The following IL1RAPL1 variants were observed in gnomAD, a reference collection of about 807,000 sequenced individuals.
IL1RAPL1 encodes the protein interleukin 1 receptor accessory protein like 1, also known as interleukin-1 receptor accessory protein-like 1.
In IL1RAPL1, 3 loss-of-function variants were observed where a neutral mutation model predicts 48.4. The observed-to-expected ratio is 0.06, with a 90% CI of 0.03 to 0.16. The LOEUF is 0.16. Ranked by LOEUF, IL1RAPL1 falls within the 10% of genes least tolerant of loss-of-function variation. The probability of loss-of-function intolerance (pLI) is 1.00; values close to 1 mark genes in which losing one functional copy is unlikely to be tolerated. For missense variants in IL1RAPL1, 349 were observed against 530.6 expected (o/e 0.66, Z 3.36); for synonymous variants, 185 against 187.7 (o/e 0.99, Z 0.12).
chrX:29,267,763 A>G (rs949723732), intron 2 of IL1RAPL1, among the ~76,000 whole-genome samples: 1 of 111,980 alleles, frequency 8.9e-6, no homozygotes, highest in African/African-American at 3.2e-5. Context: ...TGGGTGGACT[A>G]GTTTCACCGA....
intron 1 of IL1RAPL1, among the ~76,000 whole-genome samples, chrX:28,648,113 G>A (rs991507689): frequency 6.3e-5 from 7 of 111,054 alleles, no homozygotes; most frequent in Middle Eastern, 4.6e-3. Flanking sequence ...AACCAGGCTC[G>A]TTCCTGCACT....
chrX:29,159,626 A>G (rs1403875817), intron 2 of IL1RAPL1, among the ~76,000 whole-genome samples: 2 of 112,359 alleles, frequency 1.8e-5, no homozygotes, highest in Non-Finnish European at 3.8e-5. Flanking sequence ...CATCAATTGG[A>G]TAGCCCAGCA....
chrX:28,779,099 T>C (rs1290712392), intron 1 of IL1RAPL1, among the ~76,000 whole-genome samples: 1 of 111,962 alleles, frequency 8.9e-6, no homozygotes, highest in African/African-American at 3.2e-5. Flanking sequence ...CCTGAGTGTG[T>C]GCACTTAACC....
rs146170664 is a variant in IL1RAPL1 at position 29,699,031 on chromosome X, A to G, written c.778+30527A>G. On this transcript the variant is annotated intron_variant, in intron 6 of 10. Transcript: ENST00000378993. ...AAAATAGTCAAATCTATTATGTAGCATAAGATTATGTATCTGTTTATTTGA... is the reference window on the plus strand; with the variant it reads ...AAAATAGTCAAATCTATTATGTAGCGTAAGATTATGTATCTGTTTATTTGA... 6.3e-3 allele frequency among the ~76,000 whole-genome samples: 708 copies of G among 112,338 alleles called. 5 individuals carry two copies. The highest frequency in any genetic ancestry group is 0.022 in the African/African-American group (679 of 30,989).
intron 2 of IL1RAPL1, among the ~76,000 whole-genome samples, chrX:28,911,647 T>A (rs1415852147): frequency 2.7e-5 from 3 of 111,367 alleles, no homozygotes; most frequent in Non-Finnish European, 3.8e-5. Context: ...GTGTTATCTG[T>A]CACTAAAAAG....
chrX:29,428,141 A>G (rs1934371631), intron 5 of IL1RAPL1, among the ~76,000 whole-genome samples: 1 of 111,747 alleles, frequency 8.9e-6, no homozygotes, highest in Non-Finnish European at 1.9e-5. Flanking sequence ...ATTCAAATCT[A>G]GATTGAAGTA....
At chrX:28,590,172 C>A (rs1933892368) in intron 1 of IL1RAPL1, among the ~76,000 whole-genome samples, 1 of 111,126 alleles carries the variant, frequency 9.0e-6, no homozygotes, top group Non-Finnish European at 1.9e-5. Context: ...GATCTGTTTT[C>A]TCCTCAATAG....
At chrX:29,160,775 C>T (rs1384829240) in intron 2 of IL1RAPL1, among the ~76,000 whole-genome samples, 1 of 112,082 alleles carries the variant, frequency 8.9e-6, no homozygotes, top group Non-Finnish European at 1.9e-5. Context: ...AAGTGTGGGC[C>T]GGGTTGGGTG....
chrX:29,768,153 T>A (rs894101569), intron 6 of IL1RAPL1, among the ~76,000 whole-genome samples: 1 of 112,152 alleles, frequency 8.9e-6, no homozygotes, highest in Non-Finnish European at 1.9e-5. Flanking sequence ...TTGTGATAGA[T>A]CTTCTTTTAG....
chrX:28,830,832 A>G (rs973784577), intron 2 of IL1RAPL1, among the ~76,000 whole-genome samples: 1 of 110,245 alleles, frequency 9.1e-6, no homozygotes, highest in African/African-American at 3.3e-5. Context: ...GTAGTTGTTT[A>G]TTTGTTTAGC....
At chrX:29,139,729 C>T (rs1422844023) in intron 2 of IL1RAPL1, among the ~76,000 whole-genome samples, 3 of 111,271 alleles carry the variant, frequency 2.7e-5, no homozygotes, top group African/African-American at 9.8e-5. Context: ...GGGAAAAGAG[C>T]AATGGCAGAA....
At chrX:28,767,665 A>G (rs1936256458) in intron 1 of IL1RAPL1, among the ~76,000 whole-genome samples, 1 of 110,458 alleles carries the variant, frequency 9.1e-6, no homozygotes, top group Non-Finnish European at 1.9e-5. Flanking sequence ...ATTTATATAT[A>G]TATTTGAAAT....
chrX:29,527,255 A>G (rs1219795210), intron 5 of IL1RAPL1, among the ~76,000 whole-genome samples: 2 of 108,940 alleles, frequency 1.8e-5, no homozygotes, highest in Non-Finnish European at 3.8e-5. Context: ...TAAATGTACC[A>G]AGGAAAACTA....
At chrX:29,682,787 G>C (rs940341090) in intron 6 of IL1RAPL1, among the ~76,000 whole-genome samples, 2 of 112,138 alleles carry the variant, frequency 1.8e-5, no homozygotes, top group Non-Finnish European at 1.9e-5. Context: ...ATACTGCAGA[G>C]TAATGGAGTA....
In IL1RAPL1 at chrX:29,502,583, GTTT is replaced by G. The variant is rs1448679893; in HGVS notation, c.703+103278_703+103280del. ...CAGTATCTATTGAAATGATCATGTG[GTTT>G]TTGTTCTCATGTCCTTGTATCGTAT... On this transcript the variant is annotated intron_variant, in intron 5 of 10. Coordinates refer to ENST00000378993, the MANE Select transcript of IL1RAPL1 (RefSeq NM_014271.4). 2.7e-5 allele frequency among the ~76,000 whole-genome samples: 3 copies of G among 111,220 alleles called. No individual in the cohort carries two copies. The East Asian group carries it at 8.5e-4, about 31-fold the overall frequency.
At chrX:28,853,493 G>GCA (rs77109541) in intron 2 of IL1RAPL1, among the ~76,000 whole-genome samples, 37 of 107,083 alleles carry the variant, frequency 3.5e-4, no homozygotes, top group East Asian at 1.5e-3. Flanking sequence ...GTGTGCGCGC[G>GCA]CACACACACA....
chrX:29,321,554 G>C (rs772600461), intron 3 of IL1RAPL1, among the ~76,000 whole-genome samples: 4 of 111,981 alleles, frequency 3.6e-5, no homozygotes, highest in Non-Finnish European at 5.6e-5. Flanking sequence ...AAATATATGT[G>C]TGTGTGTATG....
At chrX:28,797,801 A>G (rs913417252) in intron 2 of IL1RAPL1, among the ~76,000 whole-genome samples, 2 of 111,713 alleles carry the variant, frequency 1.8e-5, no homozygotes, top group African/African-American at 3.3e-5. Flanking sequence ...CTTTTCAGCA[A>G]TGCCCTACTC....
chrX:29,524,408 C>T (rs1243444850), intron 5 of IL1RAPL1, among the ~76,000 whole-genome samples: 1 of 110,817 alleles, frequency 9.0e-6, no homozygotes, highest in Non-Finnish European at 1.9e-5. Context: ...GATTTAAATT[C>T]TTTATAATAT....
Sources: gnomAD v4.1 joint callset for allele counts (sites outside exome capture counted in the v4.1 genomes callset) on GRCh38, gnomAD v4.1.1 for gene constraint, MANE v1.5 for transcripts, NCBI Gene and HGNC (gene_info 2026-07-23, HGNC 2026-07-21) for gene names.